The following ZNF827 variants were observed in gnomAD, a reference collection of about 807,000 sequenced individuals.
ZNF827 encodes the protein zinc finger protein 827.
Under a neutral mutation model 102.4 loss-of-function variants are expected in ZNF827, and 13 were observed. The observed-to-expected ratio is 0.13, with a 90% CI of 0.08 to 0.20. The LOEUF (loss-of-function observed/expected upper bound fraction) is 0.20, where lower values mean the gene tolerates loss of function less well. ZNF827 is among the 10% of genes least tolerant of loss of function. The probability of loss-of-function intolerance (pLI) is 1.00; values close to 1 mark genes in which losing one functional copy is unlikely to be tolerated. For missense variants in ZNF827, 1,103 were observed against 1,344.4 expected (o/e 0.82, Z 2.81); for synonymous variants, 523 against 536.2 (o/e 0.98, Z 0.34).
chr4:145,795,390 C>T (rs543200857), intron 8 of ZNF827, among the ~76,000 whole-genome samples: 10 of 152,292 alleles, frequency 6.6e-5, no homozygotes, highest in African/African-American at 2.2e-4. Flanking sequence ...TCAAGTGATC[C>T]GCCCGCCTTG....
chr4:145,821,795 G>A (rs543264574), intron 8 of ZNF827, among the ~76,000 whole-genome samples: 4 of 152,162 alleles, frequency 2.6e-5, no homozygotes, highest in South Asian at 4.1e-4. Context: ...AGCAAATCAC[G>A]GAAAACCCCC....
intron 1 of ZNF827, among the ~76,000 whole-genome samples, chr4:145,917,334 G>A (rs1006281780): frequency 3.3e-5 from 5 of 152,164 alleles, no homozygotes; most frequent in African/African-American, 1.2e-4. Flanking sequence ...TCTGGAGGCT[G>A]GGAAGTCCAA....
intron 3 of ZNF827, among the ~76,000 whole-genome samples, chr4:145,886,845 C>A (rs10030732): frequency 6.6e-6 from 1 of 152,092 alleles, no homozygotes; most frequent in East Asian, 1.9e-4. Flanking sequence ...CAGATTCTGA[C>A]GTCTGCAATG....
chr4:145,801,947 G>T (rs969385160), intron 8 of ZNF827, among the ~76,000 whole-genome samples: 5 of 152,124 alleles, frequency 3.3e-5, no homozygotes, highest in African/African-American at 1.2e-4. Flanking sequence ...AGGAAGGTGG[G>T]TCTGCTATTC....
intron 2 of ZNF827, among the ~76,000 whole-genome samples, chr4:145,900,564 C>T (rs1292154279): frequency 1.3e-5 from 2 of 152,032 alleles, no homozygotes; most frequent in East Asian, 3.9e-4. Context: ...CGCACACCAC[C>T]ACGCCTGGTT....
intron 5 of ZNF827, among the ~76,000 whole-genome samples, chr4:145,854,069 G>C (rs949271003): frequency 2.6e-5 from 4 of 152,010 alleles, no homozygotes; most frequent in South Asian, 2.1e-4. Flanking sequence ...CCTATGAACT[G>C]TAAGTCTCTA....
intron 1 of ZNF827, among the ~76,000 whole-genome samples, chr4:145,910,584 C>A (rs1314114472): frequency 3.3e-5 from 5 of 152,184 alleles, no homozygotes; most frequent in Non-Finnish European, 5.9e-5. Flanking sequence ...TGTCATCCCC[C>A]ACCTGTACTA....
At chr4:145,808,540 C>T (rs541233976) in intron 8 of ZNF827, among the ~76,000 whole-genome samples, 3 of 152,182 alleles carry the variant, frequency 2.0e-5, no homozygotes, top group African/African-American at 4.8e-5. Context: ...TGGAAAGCCC[C>T]GATAGGAAAG....
intron 2 of ZNF827, among the ~76,000 whole-genome samples, chr4:145,898,649 G>C (rs1039067018): frequency 6.6e-6 from 1 of 152,010 alleles, no homozygotes; most frequent in Non-Finnish European, 1.5e-5. Context: ...TGCTGGGGGC[G>C]CAGGGTCACA....
Position 145,849,549 on chromosome 4 carries a change from T to C in ZNF827, c.1994A>G (p.Lys665Arg), listed in dbSNP as rs1409367228. ...TTTAATCTTCACCATCTGTGTTTCC[T>C]TGTAGCTTTCCGCTGCAAGTAGGTG... is the stretch of plus-strand genomic sequence containing the variant. ...LLMKLSAESY[K>R]ETQMVKIKEE... Residue 665 changes from lysine to arginine, a missense_variant, in exon 6 of 15, where the codon AAG (lysine) becomes AGG (arginine). Lys to Arg is a conservative substitution (Grantham distance 26, BLOSUM62 2). Coordinates refer to ENST00000508784, the MANE Select transcript of ZNF827 (RefSeq NM_001306215.2). 6.2e-7 allele frequency: 1 copy of C among 1,614,084 alleles called. No individual in the cohort carries two copies. Among genetic ancestry groups the C allele is most frequent in the Non-Finnish European group, 8.5e-7 (1 of 1,179,922 alleles).
chr4:145,900,655 C>A (rs1010769962), intron 2 of ZNF827, among the ~76,000 whole-genome samples: 1 of 152,066 alleles, frequency 6.6e-6, no homozygotes, highest in African/African-American at 2.4e-5. Flanking sequence ...GGTGACCCAC[C>A]CGCCTTGGCC....
At chr4:145,779,560 AT>A in intron 8 of ZNF827, 49 bp from the exon 9 acceptor site, 1 of 1,589,664 alleles carries the variant, frequency 6.3e-7, no homozygotes, top group Non-Finnish European at 8.6e-7. Flanking sequence ...ACAAGAATAC[AT>A]TTTCTGTTAG....
In ZNF827 at chr4:145,759,242, A is replaced by T. The variant is rs1734200976; in HGVS notation, c.*2374T>A. The T allele has an allele frequency of 1.3e-5, 2 of 152,212 alleles. No homozygotes were observed. The highest frequency in any genetic ancestry group is 4.1e-4 in the South Asian group (2 of 4,828). The allele number at this position is 152,212 out of a possible 1,614,324, so 9.4% of individuals were successfully genotyped here. The stretch of plus-strand genomic sequence containing the variant: ...TTCATACTGGAAATTCTGTTGTTTT[A>T]AAAATACAAGCAATGAACATATTCA... On this transcript the variant is annotated 3_prime_UTR_variant, in exon 15 of 15. Transcript: ENST00000508784.
chr4:145,894,299 T>C (rs190794447), intron 2 of ZNF827, among the ~76,000 whole-genome samples: 120 of 152,298 alleles, frequency 7.9e-4, no homozygotes, highest in Non-Finnish European at 1.5e-3. Flanking sequence ...CCTGGAAGCA[T>C]ACCCAGGAAA....
At chr4:145,785,975 G>A (rs1240656832) in intron 8 of ZNF827, among the ~76,000 whole-genome samples, 1 of 152,130 alleles carries the variant, frequency 6.6e-6, no homozygotes, top group African/African-American at 2.4e-5. Flanking sequence ...AGTGTAATAT[G>A]TCAAAACTTA....
At chr4:145,904,475 G>A (rs991990226) in intron 1 of ZNF827, among the ~76,000 whole-genome samples, 1 of 152,230 alleles carries the variant, frequency 6.6e-6, no homozygotes, top group African/African-American at 2.4e-5. Flanking sequence ...AGGTGGTCAA[G>A]GTGGAGCTTC....
chr4:145,802,786 T>C (rs534342109), intron 8 of ZNF827, among the ~76,000 whole-genome samples: 1 of 152,052 alleles, frequency 6.6e-6, no homozygotes, highest in South Asian at 2.1e-4. Flanking sequence ...CCAAAAAAAA[T>C]TAAAAAGTTA....
rs751957056 is a variant in ZNF827, at chr4:145,765,567, C to T, written c.3032G>A (p.Ser1011Asn). 28 of 1,613,272 alleles carry T rather than the reference C, an allele frequency of 1.7e-5. No individual in the cohort carries two copies. The highest frequency in any genetic ancestry group is 2.3e-5 in the Non-Finnish European group (27 of 1,179,692). The change falls in exon 12 of 15, where the codon AGT becomes AAT. Residue 1011 changes from serine (S) to asparagine (N), a missense_variant. By Grantham distance (46) the Ser-to-Asn change is conservative. Around this residue, in one of 5 missense-constraint regions of ZNF827, gnomAD observed 242 missense variants for 361.9 expected, o/e 0.67. Coordinates refer to ENST00000508784, the MANE Select transcript of ZNF827 (RefSeq NM_001306215.2). This position sits in a 1 kb window ranked among gnomAD's most constrained non-coding sequence, Gnocchi z 4.7. ...VMPGSQPSLN[S>N]EEKPEKGFEC... ...CTTACCTTTCTCTGGCTTTTCCTCA[C>T]TGTTCAGTGAGGGCTGGCTCCCAGG... is the stretch of plus-strand genomic sequence containing the variant.
rs539429017 is a variant in ZNF827 at position 145,838,365 on chromosome 4, A to G, written c.2279+7591T>C. On this transcript the variant is annotated intron_variant, in intron 7 of 14. Transcript: ENST00000508784. ...ACTGTAATTTTCTTTTACCTACCCA[A>G]AACCTATAAAACGGCCCCACCCTTA... Among the ~76,000 whole-genome samples the G allele has an allele frequency of 2.0e-3, 308 of 152,050 alleles. 1 individual carries two copies. The highest frequency in any genetic ancestry group is 7.1e-3 in the African/African-American group (295 of 41,446).
Sources: allele counts gnomAD v4.1 joint callset (sites outside exome capture counted in the v4.1 genomes callset), GRCh38; gene constraint gnomAD v4.1.1; regional missense constraint gnomAD v4.1.1; non-coding constraint Gnocchi (gnomAD v3.1); transcripts MANE v1.5; gene names NCBI Gene and HGNC (gene_info 2026-07-23, HGNC 2026-07-21).